LRRIQ1: variants seen among roughly 807,000 people sequenced by gnomAD.
The protein encoded by LRRIQ1 is leucine rich repeats and IQ motif containing 1.
Under a neutral mutation model 211.9 loss-of-function variants are expected in LRRIQ1, and 210 were observed. The ratio of observed to expected loss-of-function variants is 0.99; its 90% confidence interval spans 0.89 to 1.11. The LOEUF is 1.11. LRRIQ1 is among the 50% of genes most tolerant of loss of function. The pLI is 0.00. For missense variants in LRRIQ1, 2,136 were observed against 1,939.5 expected (o/e 1.10, Z -1.90); for synonymous variants, 699 against 650.1 (o/e 1.08, Z -1.14).
intron 24 of LRRIQ1, among the ~76,000 whole-genome samples, chr12:85,222,987 A>T (rs1209731241): frequency 6.6e-6 from 1 of 152,148 alleles, no homozygotes; most frequent in Non-Finnish European, 1.5e-5. Context: ...CTTATTTCTG[A>T]TTAGATATTT....
At chr12:85,119,491 G>A (rs1887820578) in intron 15 of LRRIQ1, among the ~76,000 whole-genome samples, 1 of 152,114 alleles carries the variant, frequency 6.6e-6, no homozygotes, top group South Asian at 2.1e-4. Context: ...ATTTTTGTGT[G>A]AATATAAATT....
intron 11 of LRRIQ1, among the ~76,000 whole-genome samples, chr12:85,075,486 G>A (rs1374321830): frequency 6.6e-6 from 1 of 152,042 alleles, no homozygotes; most frequent in Non-Finnish European, 1.5e-5. Context: ...GCGCAGGCAA[G>A]TTGCAAGCAA....
At chr12:85,131,916 T>G (rs1279609632) in intron 18 of LRRIQ1, among the ~76,000 whole-genome samples, 4 of 152,002 alleles carry the variant, frequency 2.6e-5, no homozygotes, top group African/African-American at 9.7e-5. Flanking sequence ...AGAATATGAA[T>G]ATTACTTACC....
chr12:85,077,708 A>T (rs1883812153), intron 11 of LRRIQ1, among the ~76,000 whole-genome samples: 1 of 152,140 alleles, frequency 6.6e-6, no homozygotes. Context: ...ATGGTGGCTT[A>T]CACCTGTATT....
Position 85,127,852 on chromosome 12 carries a change from A to G in LRRIQ1, c.4028A>G (p.Gln1343Arg), listed in dbSNP as rs1287518642. The G allele has an allele frequency of 1.9e-6, 3 of 1,613,934 alleles. No homozygotes were observed. The highest frequency in any genetic ancestry group is 1.7e-6 in the Non-Finnish European group (2 of 1,179,946). ...SEKIMAAVVIQSYWRGYLMRR... is the reference protein window; with the variant it reads ...SEKIMAAVVIRSYWRGYLMRR... The stretch of plus-strand genomic sequence containing the variant: ...AATAGTATGGCAGCTGTGGTAATCC[A>G]GTCATACTGGCGTGGTTACCTCATG... The change falls in exon 18 of 27, where the codon CAG (glutamine) becomes CGG (arginine). Residue 1343 changes from glutamine to arginine, a missense_variant. Gln to Arg is a conservative substitution (Grantham distance 43). Coordinates refer to ENST00000393217, the MANE Select transcript of LRRIQ1 (RefSeq NM_001079910.2).
In LRRIQ1 at chr12:85,229,623, AACG is replaced by A. The variant is rs755854456; in HGVS notation, c.4932_4934del (p.Thr1645del). ...TTCACACACAGGTTGGGGTTCATGAAACGACTAGTTCCAGAAATATGAAATGGT... is the reference window on the plus strand; with the variant it reads ...TTCACACACAGGTTGGGGTTCATGAAACTAGTTCCAGAAATATGAAATGGT... On this transcript the variant is annotated inframe_deletion, in exon 25 of 27. Coordinates refer to ENST00000393217, the MANE Select transcript of LRRIQ1 (RefSeq NM_001079910.2). The A allele has an allele frequency of 4.0e-4, 639 of 1,612,208 alleles. No homozygotes were observed. Among genetic ancestry groups the A allele is most frequent in the Non-Finnish European group, 5.2e-4 (610 of 1,179,382 alleles).
Position 85,121,719 on chromosome 12 carries a change from C to A in LRRIQ1, c.3400C>A (p.Pro1134Thr), listed in dbSNP as rs762999797. ...TAGGGATTCTCTACTTAAAGTGTTG[C>A]CTGCTCTGAGAATCCTCAATGGCAA... ...NWRDSLLKVL[P>T]ALRILNGNIL... Residue 1134 changes from proline (P) to threonine (T), a missense_variant, in exon 16 of 27, where the codon CCT (proline) becomes ACT (threonine). By Grantham distance (38) the Pro-to-Thr change is conservative. Transcript: ENST00000393217. The A allele has an allele frequency of 6.3e-7, 1 of 1,588,048 alleles. No individual in the cohort carries two copies.
chr12:85,056,743 T>A lies in LRRIQ1; in HGVS notation c.1950T>A (p.Ala650=), dbSNP rs1881138219. The stretch of plus-strand genomic sequence containing the variant: ...TTGAGGAGAACCCAAAAGACAATGC[T>A]TGGAATAGTGGCATTGTGATTTTTA... ...KEIEENPKDN[A]WNSGIVIFNT... Residue 650 remains alanine (A), a synonymous_variant, in exon 8 of 27, where the codon GCT becomes GCA. Transcript: ENST00000393217. 3 of 1,605,904 alleles carry A rather than the reference T, an allele frequency of 1.9e-6. No homozygotes were observed. In the African/African-American group the frequency reaches 4.0e-5, roughly 22 times the overall value.
At position 85,198,120 on chromosome 12, in the gene LRRIQ1, A is replaced by G. The variant is rs1234821860; in HGVS notation, c.4823-31397A>G. On this transcript the variant is annotated intron_variant, in intron 24 of 26. Coordinates refer to ENST00000393217, the MANE Select transcript of LRRIQ1 (RefSeq NM_001079910.2). ...ATATTATATTATTTATATATAATATATAATATATATTATATATAATATATT... is the reference window on the plus strand; with the variant it reads ...ATATTATATTATTTATATATAATATGTAATATATATTATATATAATATATT... Among the ~76,000 whole-genome samples the G allele has an allele frequency of 1.6e-4, 19 of 121,302 alleles. 1 individual carries two copies. In the East Asian group the frequency reaches 3.8e-3, roughly 24 times the overall value. 79.6% of individuals were successfully genotyped at this position (121,302 alleles called of 152,430 possible). A position where few individuals can be genotyped will look rare whatever the true frequency, so the allele number is the denominator to read the frequency against.
intron 11 of LRRIQ1, among the ~76,000 whole-genome samples, chr12:85,094,543 G>T (rs941382334): frequency 4.6e-5 from 7 of 152,022 alleles, no homozygotes; most frequent in African/African-American, 1.7e-4. Flanking sequence ...AAGTCTGGTA[G>T]TGTGATACCT....
intron 11 of LRRIQ1, among the ~76,000 whole-genome samples, chr12:85,086,566 A>G (rs1409951320): frequency 6.6e-6 from 1 of 151,932 alleles, no homozygotes; most frequent in Non-Finnish European, 1.5e-5. Context: ...ATATGAAACA[A>G]TTAAATATCT....
At chr12:85,039,679 G>A (rs1878630757) in intron 2 of LRRIQ1, among the ~76,000 whole-genome samples, 1 of 151,522 alleles carries the variant, frequency 6.6e-6, no homozygotes, top group Non-Finnish European at 1.5e-5. Context: ...ACCCAGTATG[G>A]CAGACAATAT....
chr12:85,250,787 A>T (rs1170574220), intron 1 of LRRIQ1, among the ~76,000 whole-genome samples: 1 of 108,134 alleles, frequency 9.2e-6, no homozygotes, highest in Non-Finnish European at 1.9e-5. Flanking sequence ...TATATATATT[A>T]TATTATAGAT....
chr12:85,147,739 G>A (rs1157993306), intron 19 of LRRIQ1, among the ~76,000 whole-genome samples: 1 of 150,436 alleles, frequency 6.6e-6, no homozygotes, highest in Non-Finnish European at 1.5e-5. Context: ...GAAACCGAAT[G>A]CTACTGAGGC....
the LRRIQ1 span, among the ~76,000 whole-genome samples, chr12:85,272,462 A>C: frequency 6.6e-6 from 1 of 152,208 alleles, no homozygotes; most frequent in Non-Finnish European, 1.5e-5. Context: ...AATTTCAAGA[A>C]TATTAATCAG....
At chr12:85,110,510 C>T (rs1342716057) in intron 15 of LRRIQ1, among the ~76,000 whole-genome samples, 1 of 152,130 alleles carries the variant, frequency 6.6e-6, no homozygotes, top group African/African-American at 2.4e-5. Flanking sequence ...GGAAATCTAA[C>T]TCATGCAGTC....
At chr12:85,146,199 G>A (rs1305061529) in intron 19 of LRRIQ1, among the ~76,000 whole-genome samples, 2 of 151,766 alleles carry the variant, frequency 1.3e-5, no homozygotes, top group East Asian at 1.9e-4. Flanking sequence ...CCTGGTCAGC[G>A]AGTTGAAGCT....
In LRRIQ1 at chr12:85,038,239, T is replaced by A. The variant is rs752117291; in HGVS notation, c.63T>A (p.Ile21=). The A allele has an allele frequency of 2.5e-5, 40 of 1,586,240 alleles. No individual in the cohort carries two copies. Among genetic ancestry groups the A allele is most frequent in the Non-Finnish European group, 3.3e-5 (39 of 1,164,710 alleles). The part of the protein sequence containing the change: ...EIEAELDKLS[I]SSLEKEDIES... ...AAGCTGAATTGGATAAACTCAGCAT[T>A]TCCTCCTTGGAAAAAGAAGACATTG... Residue 21 remains isoleucine, a synonymous_variant, in exon 2 of 27, where the codon ATT becomes ATA. Coordinates refer to ENST00000393217, the MANE Select transcript of LRRIQ1 (RefSeq NM_001079910.2).
intron 24 of LRRIQ1, among the ~76,000 whole-genome samples, chr12:85,227,589 A>G (rs1016856844): frequency 7.2e-5 from 11 of 152,168 alleles, no homozygotes; most frequent in Non-Finnish European, 1.5e-4. Context: ...GAAAATGGCC[A>G]TACTGCCCAA....
Sources: gnomAD v4.1 joint callset for allele counts (sites outside exome capture counted in the v4.1 genomes callset) on GRCh38, gnomAD v4.1.1 for gene constraint, MANE v1.5 for transcripts, NCBI Gene and HGNC (gene_info 2026-07-23, HGNC 2026-07-21) for gene names.